FGF14: variants seen among roughly 807,000 people sequenced by gnomAD.
The protein encoded by FGF14 is fibroblast growth factor 14.
Under a neutral mutation model 25.5 loss-of-function variants are expected in FGF14, and 5 were observed. That is an observed-to-expected ratio of 0.20 (90% confidence interval 0.10 to 0.41). FGF14 has a LOEUF of 0.41. FGF14 is among the 10% of genes least tolerant of loss of function. The probability of loss-of-function intolerance (pLI) is 1.00; values close to 1 mark genes in which losing one functional copy is unlikely to be tolerated. For missense variants in FGF14, 222 were observed against 320.1 expected (o/e 0.69, Z 2.34); for synonymous variants, 138 against 118.3 (o/e 1.17, Z -1.08).
intron 3 of FGF14, among the ~76,000 whole-genome samples, chr13:101,777,773 C>G (rs906717647): frequency 1.3e-5 from 2 of 152,072 alleles, no homozygotes; most frequent in East Asian, 3.9e-4. Flanking sequence ...ACCAGCCTGA[C>G]CAACATGGTG....
intron 1 of FGF14, among the ~76,000 whole-genome samples, chr13:101,973,865 A>G (rs908320992): frequency 6.6e-6 from 1 of 152,216 alleles, no homozygotes; most frequent in African/African-American, 2.4e-5. Context: ...CTCAGTATTA[A>G]CCATCACAAT....
intron 1 of FGF14, among the ~76,000 whole-genome samples, chr13:101,998,707 C>T (rs1294857279): frequency 6.6e-6 from 1 of 152,176 alleles, no homozygotes; most frequent in Non-Finnish European, 1.5e-5. Context: ...GGCTCCCCGT[C>T]GGTGTATGCA....
At chr13:102,351,535 G>A (rs989677657) in intron 1 of FGF14, among the ~76,000 whole-genome samples, 13 of 152,228 alleles carry the variant, frequency 8.5e-5, no homozygotes, top group African/African-American at 3.1e-4. Flanking sequence ...CAACAAAGAT[G>A]TATTATCTGA....
chr13:101,824,032 TAATAG>T (rs1418635601), intron 3 of FGF14, among the ~76,000 whole-genome samples: 1 of 152,138 alleles, frequency 6.6e-6, no homozygotes. Context: ...AACAATTTCC[TAATAG>T]TATACCTTGT....
intron 1 of FGF14, among the ~76,000 whole-genome samples, chr13:101,897,881 G>GATTTTT (rs201199354): frequency 0.014 from 2,123 of 152,014 alleles, 38 homozygotes; most frequent in African/African-American, 0.048. Context: ...AAGCCTTTAG[G>GATTTTT]ATTTTTAATT....
rs1210504808 is a variant in FGF14, at chr13:102,400,916, G to A, written c.208+555C>T. 1.3e-5 allele frequency among the ~76,000 whole-genome samples: 2 copies of A among 152,088 alleles called. No individual in the cohort carries two copies. The highest frequency in any genetic ancestry group is 6.5e-5 in the Admixed American group (1 of 15,276). On this transcript the variant is annotated intron_variant, in intron 1 of 4. Coordinates refer to the FGF14 transcript ENST00000376131. This position sits in a 1 kb window ranked among gnomAD's most constrained non-coding sequence, Gnocchi z 4.3. ...AGACAGGGGGAATGAGTTAATGCTCGGGCACCCGGAGCTGGACGGGGGAGG... is the reference window on the plus strand; with the variant it reads ...AGACAGGGGGAATGAGTTAATGCTCAGGCACCCGGAGCTGGACGGGGGAGG...
intron 1 of FGF14, among the ~76,000 whole-genome samples, chr13:102,363,115 G>A (rs562138113): frequency 4.6e-5 from 7 of 152,122 alleles, no homozygotes; most frequent in African/African-American, 1.4e-4. Context: ...TGTTTTAAGC[G>A]ATATACACAT....
At chr13:101,813,993 T>C (rs1382613087) in intron 3 of FGF14, among the ~76,000 whole-genome samples, 1 of 152,222 alleles carries the variant, frequency 6.6e-6, no homozygotes, top group Non-Finnish European at 1.5e-5. Context: ...AAGAATTCAT[T>C]CATTAAACAG....
chr13:102,229,982 G>A (rs2051004010), intron 1 of FGF14, among the ~76,000 whole-genome samples: 2 of 152,170 alleles, frequency 1.3e-5, no homozygotes, highest in South Asian at 4.1e-4. Flanking sequence ...ATATACTGCT[G>A]TGGTCTGAAT....
chr13:101,839,058 G>C (rs780002947), intron 3 of FGF14, among the ~76,000 whole-genome samples: 6 of 151,964 alleles, frequency 3.9e-5, no homozygotes, highest in Non-Finnish European at 8.8e-5. Context: ...GTCACCCAAG[G>C]TGTAGTCAAG....
chr13:102,358,610 T>C (rs914995987), intron 1 of FGF14, among the ~76,000 whole-genome samples: 63 of 152,204 alleles, frequency 4.1e-4, no homozygotes, highest in Non-Finnish European at 7.4e-5. Flanking sequence ...GTACTCCACC[T>C]GAAAACACAA....
At chr13:102,180,484 T>C (rs551764631) in intron 1 of FGF14, among the ~76,000 whole-genome samples, 1 of 152,206 alleles carries the variant, frequency 6.6e-6, no homozygotes, top group South Asian at 2.1e-4. Context: ...AGCTAAGTTT[T>C]GTATTTTTAG....
intron 1 of FGF14, among the ~76,000 whole-genome samples, chr13:102,019,691 T>C (rs1435091198): frequency 2.0e-5 from 3 of 152,198 alleles, no homozygotes; most frequent in African/African-American, 7.2e-5. Flanking sequence ...CTTTGGCAAG[T>C]GCTGAATCCT....
chr13:102,249,259 C>T (rs2052039861), intron 1 of FGF14, among the ~76,000 whole-genome samples: 1 of 152,086 alleles, frequency 6.6e-6, no homozygotes, highest in Admixed American at 6.6e-5. Flanking sequence ...AAAGGAGACA[C>T]ACGGAGCAAG....
intron 1 of FGF14, among the ~76,000 whole-genome samples, chr13:101,909,746 A>C (rs144031278): frequency 0.013 from 2,015 of 152,346 alleles, 25 homozygotes; most frequent in Non-Finnish European, 0.018. Flanking sequence ...TACTGGGTAT[A>C]TACCCAAAGG....
intron 4 of FGF14, among the ~76,000 whole-genome samples, 154 bp downstream of exon 4, chr13:101,726,458 C>G (rs552749057): frequency 6.6e-6 from 1 of 152,082 alleles, no homozygotes; most frequent in East Asian, 1.9e-4. Flanking sequence ...AAATCAATAA[C>G]TTAAGTAGGC....
intron 1 of FGF14, among the ~76,000 whole-genome samples, chr13:102,190,729 G>A (rs778386219): frequency 5.3e-5 from 8 of 152,130 alleles, no homozygotes; most frequent in Non-Finnish European, 1.0e-4. Context: ...ATGCTGCAGT[G>A]AAAGGCTTCC....
chr13:101,797,772 T>TGCGC (rs1555384574), intron 3 of FGF14, among the ~76,000 whole-genome samples: 37 of 145,556 alleles, frequency 2.5e-4, no homozygotes, highest in East Asian at 6.2e-4. Context: ...TGTGTGTGTG[T>TGCGC]GTGTGTGTGT....
intron 1 of FGF14, among the ~76,000 whole-genome samples, chr13:101,901,291 T>G (rs2031513466): frequency 6.6e-6 from 1 of 152,226 alleles, no homozygotes; most frequent in African/African-American, 2.4e-5. Flanking sequence ...TAATTCTTGA[T>G]GTCTCCCTCC....
Sources: gnomAD v4.1 joint callset for allele counts (sites outside exome capture counted in the v4.1 genomes callset) on GRCh38, gnomAD v4.1.1 for gene constraint, Gnocchi (gnomAD v3.1) non-coding constraint, MANE v1.5 for transcripts, NCBI Gene and HGNC (gene_info 2026-07-23, HGNC 2026-07-21) for gene names.